DOCK2: variants seen among roughly 807,000 people sequenced by gnomAD.
The protein encoded by DOCK2 is dedicator of cytokinesis protein 2.
In DOCK2, 87 loss-of-function variants were observed where a neutral mutation model predicts 248.9. The observed-to-expected ratio is 0.35, with a 90% CI of 0.29 to 0.42. The LOEUF (loss-of-function observed/expected upper bound fraction) is 0.42, where lower values mean the gene tolerates loss of function less well. Ranked by LOEUF, DOCK2 falls within the 10% of genes least tolerant of loss-of-function variation. The probability of loss-of-function intolerance (pLI) is 1.00; values close to 1 mark genes in which losing one functional copy is unlikely to be tolerated. For missense variants in DOCK2, 1,747 were observed against 2,300.2 expected, an observed-to-expected ratio of 0.76 and a Z score of 4.92; for synonymous variants, 805 against 821.6, an observed-to-expected ratio of 0.98 and a Z score of 0.35.
At chr5:170,045,752 C>G in intron 38 of DOCK2, 64 bp from the exon 39 acceptor site, 2 of 1,518,710 alleles carry the variant, frequency 1.3e-6, no homozygotes, top group South Asian at 2.2e-5. Flanking sequence ...GAGTCCCTTC[C>G]TCAGCAAGCG....
chr5:169,761,249 A>T (rs1226187012), intron 24 of DOCK2: 10 of 339,898 alleles, frequency 2.9e-5, no homozygotes, highest in South Asian at 4.9e-5. Flanking sequence ...ACATGGCATA[A>T]TGAATGCAAA....
chr5:169,773,926 A>G lies in DOCK2; in HGVS notation c.2554+12301A>G, dbSNP rs567127237. On this transcript the variant is annotated intron_variant, in intron 25 of 51. Coordinates refer to ENST00000520908, the MANE Select transcript of DOCK2 (RefSeq NM_004946.3). ...TTCTCATTCCCTCTTGCCTGCTGCC[A>G]TGTAAGACGTGCCTTTTGCCCCCTG... 1.4e-4 allele frequency among the ~76,000 whole-genome samples: 21 copies of G among 152,278 alleles called. No individual in the cohort carries two copies. The East Asian group carries it at 3.7e-3, about 27-fold the overall frequency.
intron 27 of DOCK2, among the ~76,000 whole-genome samples, chr5:169,939,431 T>A (rs2113701924): frequency 6.6e-6 from 1 of 152,328 alleles, no homozygotes; most frequent in Middle Eastern, 3.4e-3. Flanking sequence ...GAGGCTGTTT[T>A]ATAGTTAATT....
intron 27 of DOCK2, among the ~76,000 whole-genome samples, chr5:169,963,357 G>C (rs1777168025): frequency 6.6e-6 from 1 of 152,116 alleles, no homozygotes; most frequent in South Asian, 2.1e-4. Flanking sequence ...CTCAATCTCA[G>C]CCTTTGATTA....
intron 27 of DOCK2, chr5:169,882,822 T>A: frequency 1.3e-6 from 2 of 1,550,924 alleles, no homozygotes; most frequent in Non-Finnish European, 1.7e-6. Flanking sequence ...TGGGGTTGTT[T>A]GCCGTCTGCT....
chr5:170,040,816 T>C (rs2113843397), intron 36 of DOCK2: 1 of 475,880 alleles, frequency 2.1e-6, no homozygotes, highest in Non-Finnish European at 3.7e-6. Context: ...CATAGGGTTG[T>C]CATAAATATT....
chr5:169,732,429 C>CAG (rs1762830103), intron 22 of DOCK2, among the ~76,000 whole-genome samples: 1 of 152,170 alleles, frequency 6.6e-6, no homozygotes, highest in Non-Finnish European at 1.5e-5. Context: ...GCAGGTAACA[C>CAG]AGAAATCCAG....
chr5:169,897,310 A>C (rs1773669489), intron 27 of DOCK2, among the ~76,000 whole-genome samples: 1 of 151,908 alleles, frequency 6.6e-6, no homozygotes, highest in South Asian at 2.1e-4. Flanking sequence ...TCAGCCTCCC[A>C]AGTAGCTGGG....
intron 25 of DOCK2, among the ~76,000 whole-genome samples, chr5:169,789,417 T>C (rs1366437137): frequency 6.6e-6 from 1 of 152,230 alleles, no homozygotes; most frequent in Non-Finnish European, 1.5e-5. Flanking sequence ...AAATGTAATA[T>C]GTTTCATTGT....
intron 22 of DOCK2, among the ~76,000 whole-genome samples, chr5:169,743,740 C>T (rs1280005388): frequency 1.3e-5 from 2 of 151,426 alleles, no homozygotes; most frequent in African/African-American, 4.8e-5. Flanking sequence ...CAGCTGTAGT[C>T]ATGTCCTGTG....
chr5:169,944,775 T>A (rs1776379548), intron 27 of DOCK2, among the ~76,000 whole-genome samples: 2 of 152,204 alleles, frequency 1.3e-5, no homozygotes, highest in South Asian at 4.1e-4. Context: ...TAGAAGCACC[T>A]TGTGCTGTTG....
At chr5:169,907,997 T>C (rs1032038654) in intron 27 of DOCK2, among the ~76,000 whole-genome samples, 1 of 152,228 alleles carries the variant, frequency 6.6e-6, no homozygotes, top group Non-Finnish European at 1.5e-5. Flanking sequence ...TGAAGTGTTG[T>C]CTTTATCTCC....
chr5:169,677,970 T>G (rs909581025), intron 6 of DOCK2, among the ~76,000 whole-genome samples: 4 of 152,228 alleles, frequency 2.6e-5, no homozygotes, highest in African/African-American at 4.8e-5. Flanking sequence ...ATGGTCCACC[T>G]GGAGCACAGA....
chr5:169,693,924 G>A (rs1200514618), intron 9 of DOCK2, among the ~76,000 whole-genome samples: 2 of 152,200 alleles, frequency 1.3e-5, no homozygotes, highest in African/African-American at 2.4e-5. Context: ...ATTATAGAAC[G>A]TCATCTCCTT....
intron 41 of DOCK2, among the ~76,000 whole-genome samples, chr5:170,051,045 T>C (rs1756896104): frequency 6.6e-6 from 1 of 152,198 alleles, no homozygotes; most frequent in South Asian, 2.1e-4. Context: ...GAGGAAGCCA[T>C]GCAGAGTACT....
At chr5:169,734,372 T>A (rs1762930470) in intron 22 of DOCK2, among the ~76,000 whole-genome samples, 1 of 152,180 alleles carries the variant, frequency 6.6e-6, no homozygotes, top group Non-Finnish European at 1.5e-5. Context: ...CTTTGTGGGT[T>A]CTCATTCTGT....
chr5:169,811,824 C>T (rs951998561), intron 26 of DOCK2, among the ~76,000 whole-genome samples: 4 of 151,408 alleles, frequency 2.6e-5, no homozygotes, highest in Non-Finnish European at 5.9e-5. Context: ...CACGTTACCT[C>T]CCCCCACTCT....
At chr5:169,809,301 G>A (rs62384803) in intron 26 of DOCK2, among the ~76,000 whole-genome samples, 43,893 of 152,030 alleles carry the variant, frequency 0.29, 6,362 homozygotes, top group African/African-American at 0.31. Context: ...AGGTTTTGAT[G>A]TTTTTGTTCA....
intron 32 of DOCK2, 62 bp downstream of exon 32, chr5:170,008,808 C>G: frequency 6.3e-7 from 1 of 1,598,602 alleles, no homozygotes. Context: ...TCTTAAAGAC[C>G]ATCTGTTGGA....
Sources: allele counts gnomAD v4.1 joint callset (sites outside exome capture counted in the v4.1 genomes callset), GRCh38; gene constraint gnomAD v4.1.1; transcripts MANE v1.5; gene names NCBI Gene and HGNC (gene_info 2026-07-23, HGNC 2026-07-21).